The following DLG2 variants were observed in gnomAD, a reference collection of about 807,000 sequenced individuals.
DLG2 encodes the protein discs large MAGUK scaffold protein 2.
A neutral mutation model predicts 132.5 loss-of-function variants in DLG2; 45 were observed. The ratio of observed to expected loss-of-function variants is 0.34; its 90% CI spans 0.27 to 0.44. The LOEUF (loss-of-function observed/expected upper bound fraction) is 0.44, where lower values mean the gene tolerates loss of function less well. Among genes scored for constraint, DLG2 ranks in the 20% least tolerant of loss-of-function variants. The pLI, the probability that DLG2 is intolerant of heterozygous loss-of-function variation, is 1.00. For synonymous variants in DLG2, 424 were observed against 419.6 expected, an observed-to-expected ratio of 1.01 and a Z score of -0.13; for missense variants, 1,045 against 1,196.9, an observed-to-expected ratio of 0.87 and a Z score of 1.87.
At chr11:84,701,822 G>A (rs2059255849) in intron 6 of DLG2, among the ~76,000 whole-genome samples, 1 of 151,498 alleles carries the variant, frequency 6.6e-6, no homozygotes, top group South Asian at 2.1e-4. Flanking sequence ...GCCTTCATTT[G>A]TCTTTGCAGA....
chr11:83,987,986 G>T (rs1272298102), intron 11 of DLG2, among the ~76,000 whole-genome samples: 1 of 151,936 alleles, frequency 6.6e-6, no homozygotes, highest in African/African-American at 2.4e-5. Context: ...GGGGTTGTTT[G>T]TTTTTTTCTT....
intron 6 of DLG2, among the ~76,000 whole-genome samples, chr11:84,779,994 G>A (rs146127838): frequency 2.3e-4 from 35 of 151,708 alleles, no homozygotes; most frequent in East Asian, 5.8e-4. Flanking sequence ...TCCTAAAATC[G>A]TTCAAATCAA....
At chr11:85,370,376 A>G (rs1184449061) in intron 3 of DLG2, among the ~76,000 whole-genome samples, 1 of 152,222 alleles carries the variant, frequency 6.6e-6, no homozygotes, top group African/African-American at 2.4e-5. Flanking sequence ...GAAAAAGCTG[A>G]AGGTTAAAAG....
At chr11:85,270,098 A>G (rs890521280) in intron 4 of DLG2, among the ~76,000 whole-genome samples, 1 of 151,916 alleles carries the variant, frequency 6.6e-6, no homozygotes, top group African/African-American at 2.4e-5. Flanking sequence ...ACATATATGA[A>G]TACATATTGG....
chr11:84,571,881 C>A (rs572235547), intron 6 of DLG2, among the ~76,000 whole-genome samples: 1 of 152,100 alleles, frequency 6.6e-6, no homozygotes, highest in South Asian at 2.1e-4. Context: ...TAATAATAAC[C>A]AGTTTCACTT....
chr11:85,145,009 GT>G (rs1016808223), intron 5 of DLG2, among the ~76,000 whole-genome samples: 20 of 152,160 alleles, frequency 1.3e-4, no homozygotes, highest in Admixed American at 9.8e-4. Flanking sequence ...CAAGTCCACT[GT>G]TGATGAAATC....
chr11:84,779,903 C>T (rs1200232412), intron 6 of DLG2, among the ~76,000 whole-genome samples: 1 of 147,128 alleles, frequency 6.8e-6, no homozygotes, highest in Admixed American at 6.8e-5. Flanking sequence ...AAAAAAAAAG[C>T]CCAGGACCAG....
At chr11:83,822,681 C>T (rs562180262) in intron 17 of DLG2, among the ~76,000 whole-genome samples, 1 of 152,304 alleles carries the variant, frequency 6.6e-6, no homozygotes, top group East Asian at 1.9e-4. Flanking sequence ...GCCCAGCACC[C>T]TTAGTAGGAG....
chr11:84,536,263 T>G (rs2099355392), intron 6 of DLG2, among the ~76,000 whole-genome samples: 1 of 152,200 alleles, frequency 6.6e-6, no homozygotes, highest in Non-Finnish European at 1.5e-5. Context: ...GTTAAGGTAC[T>G]TGTCAAGAGT....
At chr11:84,563,635 ACT>A (rs1250093073) in intron 6 of DLG2, among the ~76,000 whole-genome samples, 1 of 152,140 alleles carries the variant, frequency 6.6e-6, no homozygotes, top group Non-Finnish European at 1.5e-5. Context: ...GAAAAGGCAG[ACT>A]CTAAAATCGG....
chr11:84,486,018 C>T (rs2154494576), intron 7 of DLG2, among the ~76,000 whole-genome samples: 1 of 152,210 alleles, frequency 6.6e-6, no homozygotes, highest in Non-Finnish European at 1.5e-5. Flanking sequence ...GGAAGGCAAC[C>T]TGACATTTCT....
intron 14 of DLG2, among the ~76,000 whole-genome samples, chr11:83,941,396 TA>T (rs1006641016): frequency 4.0e-5 from 6 of 150,136 alleles, no homozygotes; most frequent in African/African-American, 1.5e-4. Context: ...TTTATTTAAT[TA>T]ATTTTTTTTT....
intron 3 of DLG2, among the ~76,000 whole-genome samples, chr11:85,511,137 C>T (rs984865303): frequency 2.6e-5 from 4 of 152,000 alleles, no homozygotes; most frequent in Non-Finnish European, 4.4e-5. Context: ...AAACCGAACA[C>T]CGCATGTTCT....
chr11:84,273,217 C>T, intron 7 of DLG2: 1 of 1,557,432 alleles, frequency 6.4e-7, no homozygotes, highest in Non-Finnish European at 8.7e-7. Context: ...CCCACAAAAG[C>T]TGATAATTCT....
At chr11:83,715,744 C>T (rs1008074897) in intron 18 of DLG2, among the ~76,000 whole-genome samples, 2 of 152,194 alleles carry the variant, frequency 1.3e-5, no homozygotes, top group Admixed American at 6.5e-5. Flanking sequence ...CGACCAGATA[C>T]TCATCTAAGC....
In DLG2 at chr11:84,870,664, T is replaced by C. The variant is rs181887211; in HGVS notation, c.357+240997A>G. On this transcript the variant is annotated intron_variant, in intron 6 of 27. Transcript: ENST00000376104. ...GTGTCTTCCTGCCTATTTACATATA[T>C]TCATCACTGTGTACATAATACACAC... 2.6e-5 allele frequency among the ~76,000 whole-genome samples: 4 copies of C among 152,328 alleles called. No homozygotes were observed. In the East Asian group the frequency reaches 5.8e-4, roughly 22 times the overall value.
chr11:85,092,617 C>T (rs779970157), intron 6 of DLG2, among the ~76,000 whole-genome samples: 2 of 148,588 alleles, frequency 1.3e-5, no homozygotes, highest in Non-Finnish European at 3.0e-5. Context: ...ACATAGCAAG[C>T]GTATATATTT....
intron 7 of DLG2, among the ~76,000 whole-genome samples, chr11:84,300,650 T>C (rs2098141336): frequency 6.6e-6 from 1 of 152,210 alleles, no homozygotes; most frequent in East Asian, 1.9e-4. Flanking sequence ...TAGTAATCTA[T>C]TGTGGCAGGT....
intron 16 of DLG2, among the ~76,000 whole-genome samples, chr11:83,842,816 CAAA>C (rs1259239219): frequency 4.4e-5 from 3 of 68,410 alleles, no homozygotes; most frequent in Non-Finnish European, 6.6e-5. Context: ...ACTCTGTCTC[CAAA>C]AAAAAAAAAA....
Sources: gnomAD v4.1 joint callset for allele counts (sites outside exome capture counted in the v4.1 genomes callset) on GRCh38, gnomAD v4.1.1 for gene constraint, MANE v1.5 for transcripts, NCBI Gene and HGNC (gene_info 2026-07-23, HGNC 2026-07-21) for gene names.